Variants in LIMA1 observed in about 807,000 individuals in gnomAD.
LIMA1 encodes LIM domain and actin binding 1.
In LIMA1, 52 loss-of-function variants were observed where a neutral mutation model predicts 62.6. The observed-to-expected ratio is 0.83, with a 90% CI of 0.67 to 1.05. LIMA1 has a LOEUF of 1.05. LIMA1 is among the 50% of genes least tolerant of loss of function. LIMA1 has a pLI of 0.00. For synonymous variants in LIMA1, 302 were observed against 317.8 expected (o/e 0.95, Z 0.53); for missense variants, 780 against 902.2 (o/e 0.86, Z 1.74).
intron 1 of LIMA1, among the ~76,000 whole-genome samples, chr12:50,259,387 T>C (rs773986479): frequency 2.0e-5 from 3 of 152,208 alleles, no homozygotes; most frequent in Non-Finnish European, 4.4e-5. Context: ...ACATCTAGTA[T>C]TTAATACATT....
intron 3 of LIMA1, chr12:50,224,586 C>T (rs1941497821): frequency 6.6e-6 from 1 of 152,060 alleles, no homozygotes; most frequent in African/African-American, 2.4e-5. Flanking sequence ...GGAGCCCTGA[C>T]AATCAAAGTG....
chr12:50,273,014 C>T (rs1190515198), intron 1 of LIMA1, among the ~76,000 whole-genome samples: 5 of 149,874 alleles, frequency 3.3e-5, no homozygotes, highest in African/African-American at 1.2e-4. Context: ...CACACCACTG[C>T]ACTCTAGCCT....
At chr12:50,246,079 A>G (rs903529610) in intron 2 of LIMA1, among the ~76,000 whole-genome samples, 1 of 151,934 alleles carries the variant, frequency 6.6e-6, no homozygotes, top group Non-Finnish European at 1.5e-5. Flanking sequence ...TAAAAATACA[A>G]AAATTAGCCG....
intron 1 of LIMA1, chr12:50,249,595 T>C (rs1158504204): frequency 2.0e-5 from 3 of 152,172 alleles, no homozygotes. Context: ...CATAAAGCCA[T>C]ACCCTTGATA....
chr12:50,179,265 C>T (rs1403195042), intron 10 of LIMA1, among the ~76,000 whole-genome samples: 7 of 152,058 alleles, frequency 4.6e-5, no homozygotes, highest in African/African-American at 1.7e-4. Context: ...CCTCAGCCTC[C>T]TGAGTAGTTG....
chr12:50,233,028 CAGTTGCTTTTAATCAACT>C (rs1941636988), intron 2 of LIMA1, among the ~76,000 whole-genome samples: 1 of 152,166 alleles, frequency 6.6e-6, no homozygotes, highest in Non-Finnish European at 1.5e-5. Context: ...TTTCTGCCAG[CAGTTGCTTTTAATCAACT>C]CTATCAGAAG....
At chr12:50,253,868 CAT>C (rs1379558110) in intron 1 of LIMA1, among the ~76,000 whole-genome samples, 2 of 151,036 alleles carry the variant, frequency 1.3e-5, no homozygotes, top group Admixed American at 1.3e-4. Flanking sequence ...CTTTACTAAA[CAT>C]ACAAAAAATT....
At chr12:50,229,969 C>T (rs1941585314) in intron 3 of LIMA1, 1 of 152,386 alleles carries the variant, frequency 6.6e-6, no homozygotes, top group African/African-American at 2.4e-5. Context: ...ACCCTAGACT[C>T]TATCCTCCTT....
intron 4 of LIMA1, among the ~76,000 whole-genome samples, chr12:50,214,970 T>C (rs1370728837): frequency 6.6e-6 from 1 of 152,220 alleles, no homozygotes; most frequent in Non-Finnish European, 1.5e-5. Context: ...GAAGATAAGA[T>C]GTTATGAATA....
At chr12:50,198,516 T>C (rs572064397) in intron 7 of LIMA1, among the ~76,000 whole-genome samples, 23 of 152,296 alleles carry the variant, frequency 1.5e-4, no homozygotes, top group Admixed American at 4.6e-4. Flanking sequence ...ATCACACTAC[T>C]ACACTCCAGC....
At chr12:50,217,041 A>G (rs1028222291) in intron 4 of LIMA1, among the ~76,000 whole-genome samples, 10 of 151,994 alleles carry the variant, frequency 6.6e-5, no homozygotes, top group Admixed American at 2.6e-4. Context: ...AATAAATACT[A>G]TGAACTAAGT....
intron 1 of LIMA1, among the ~76,000 whole-genome samples, chr12:50,250,563 CAAAAAAAAAAA>C (rs754126420): frequency 2.1e-4 from 7 of 33,896 alleles, no homozygotes; most frequent in Non-Finnish European, 3.0e-4. Flanking sequence ...AAGATGTTCT[CAAAAAAAAAAA>C]AAAAAAAAAA....
intron 7 of LIMA1, among the ~76,000 whole-genome samples, chr12:50,199,004 T>G (rs935023753): frequency 2.6e-5 from 4 of 152,178 alleles, no homozygotes; most frequent in African/African-American, 9.7e-5. Context: ...CACTGCTGCC[T>G]ATGTGTACCT....
At chr12:50,247,682 G>A (rs1157720990) in intron 2 of LIMA1, among the ~76,000 whole-genome samples, 1 of 150,670 alleles carries the variant, frequency 6.6e-6, no homozygotes, top group Non-Finnish European at 1.5e-5. Context: ...GTAGTGCAGT[G>A]GCACGATTTC....
At chr12:50,278,367 A>G (rs565625402) in intron 1 of LIMA1, among the ~76,000 whole-genome samples, 2 of 152,292 alleles carry the variant, frequency 1.3e-5, no homozygotes, top group East Asian at 3.9e-4. Flanking sequence ...GCTTGCAGTG[A>G]GCAGAGATCG....
chr12:50,275,202 CA>C (rs59086417), intron 1 of LIMA1, among the ~76,000 whole-genome samples: 5 of 144,918 alleles, frequency 3.5e-5, no homozygotes, highest in African/African-American at 7.6e-5. Flanking sequence ...ACTAATAATA[CA>C]AAAAAAAAAC....
At position 50,177,956 on chromosome 12, in the gene LIMA1, T is replaced by A. The variant is rs374150276; in HGVS notation, c.1388A>T (p.Asp463Val). 74 of 1,613,750 alleles carry A rather than the reference T, an allele frequency of 4.6e-5. No homozygotes were observed. The highest frequency in any genetic ancestry group is 6.1e-5 in the Non-Finnish European group (72 of 1,179,944). ...GTTTTCATTTTTGCTTGCCCATAGATCCTTGTGTGGTCTGTGCCCAAAGCC... is the reference window on the plus strand; with the variant it reads ...GTTTTCATTTTTGCTTGCCCATAGAACCTTGTGTGGTCTGTGCCCAAAGCC... ...DEGFGHRPHK[D>V]LWASKNENEE... The change falls in exon 11 of 11, where the codon GAT (aspartate) becomes GTT (valine). Residue 463 changes from aspartate to valine, a missense_variant. Coordinates refer to ENST00000341247, the MANE Select transcript of LIMA1 (RefSeq NM_016357.5).
rs1185795555 is a variant in LIMA1 at position 50,206,122 on chromosome 12, G to A, written c.631-54C>T. On this transcript the variant is annotated intron_variant, in intron 4 of 10. Coordinates refer to ENST00000341247, the MANE Select transcript of LIMA1 (RefSeq NM_016357.5). ...TGCAGAAACAATGGGAAATCTTGACGCAAGGTTCAACTTGCAAACCTTCTT... is the reference window on the plus strand; with the variant it reads ...TGCAGAAACAATGGGAAATCTTGACACAAGGTTCAACTTGCAAACCTTCTT... 47 of 1,415,308 alleles carry A rather than the reference G, an allele frequency of 3.3e-5. No individual in the cohort carries two copies. In the East Asian group the frequency reaches 8.7e-4, roughly 26 times the overall value. 87.7% of individuals were successfully genotyped at this position (1,415,308 alleles called of 1,614,324 possible).
intron 1 of LIMA1, among the ~76,000 whole-genome samples, chr12:50,250,563 CAAA>C (rs754126420): frequency 0.034 from 1,146 of 33,706 alleles, 7 homozygotes; most frequent in African/African-American, 0.093. Context: ...AAGATGTTCT[CAAA>C]AAAAAAAAAA....
Sources: gnomAD v4.1 joint callset for allele counts (sites outside exome capture counted in the v4.1 genomes callset) on GRCh38, gnomAD v4.1.1 for gene constraint, MANE v1.5 for transcripts, NCBI Gene and HGNC (gene_info 2026-07-23, HGNC 2026-07-21) for gene names.